Variants in CFAP91 observed in about 807,000 individuals in gnomAD.
CFAP91 encodes cilia and flagella associated protein 91.
CFAP91 carries 85 observed loss-of-function variants against 95.9 expected under a neutral mutation model. The ratio of observed to expected loss-of-function variants is 0.89; its 90% CI spans 0.74 to 1.06. The LOEUF is 1.06. Among genes scored for constraint, CFAP91 ranks in the 50% least tolerant of loss-of-function variants. The pLI is 0.00. For missense variants in CFAP91, 962 were observed against 943.4 expected (o/e 1.02, Z -0.26); for synonymous variants, 335 against 327.5 (o/e 1.02, Z -0.25).
chr3:119,709,372 T>C (rs1446080153), intron 4 of CFAP91, among the ~76,000 whole-genome samples: 2 of 152,252 alleles, frequency 1.3e-5, no homozygotes, highest in African/African-American at 4.8e-5. Flanking sequence ...TGTTAAATTC[T>C]TAACTGTTAA....
At chr3:119,710,147 T>G (rs549245541) in intron 5 of CFAP91, 180 of 467,434 alleles carry the variant, frequency 3.9e-4, no homozygotes, top group Middle Eastern at 3.4e-3. Flanking sequence ...GAAAAATATA[T>G]GCATATGTTT....
At position 119,767,096 on chromosome 3, in the gene CFAP91, A is replaced by G. The variant is rs2054643564; in HGVS notation, c.*2046A>G. 6.6e-6 allele frequency: 1 copy of G among 152,228 alleles called. No individual in the cohort carries two copies. Among genetic ancestry groups the G allele is most frequent in the Non-Finnish European group, 1.5e-5 (1 of 68,044 alleles). 9.4% of individuals were successfully genotyped at this position (152,228 alleles called of 1,614,324 possible). ...TAGTGACAATAAAAACACACATTTAAAGCCAAGTGGTCATAGTGACTGGAG... is the reference window on the plus strand; with the variant it reads ...TAGTGACAATAAAAACACACATTTAGAGCCAAGTGGTCATAGTGACTGGAG... On this transcript the variant is annotated 3_prime_UTR_variant, in exon 18 of 18. Transcript: ENST00000273390.
chr3:119,743,471 G>A (rs544750642), intron 13 of CFAP91, among the ~76,000 whole-genome samples: 22 of 152,214 alleles, frequency 1.4e-4, no homozygotes, highest in African/African-American at 5.1e-4. Context: ...TATTAAAAAA[G>A]TAAAAAGTAC....
intron 9 of CFAP91, 53 bp from the exon 10 acceptor site, chr3:119,733,311 A>C (rs773983957): frequency 1.5e-5 from 24 of 1,582,838 alleles, no homozygotes; most frequent in Non-Finnish European, 2.1e-5. Flanking sequence ...ATATACCTTA[A>C]AAATAATAAA....
rs538265390 is a variant in CFAP91, at chr3:119,717,168, G to A, written c.682+1425G>A. Among the ~76,000 whole-genome samples, 15 of 152,284 alleles carry A rather than the reference G, an allele frequency of 9.9e-5. No homozygotes were observed. The East Asian group carries it at 1.9e-3, about 20-fold the overall frequency. On this transcript the variant is annotated intron_variant, in intron 6 of 17. Coordinates refer to ENST00000273390, the MANE Select transcript of CFAP91 (RefSeq NM_033364.4). ...ACCTGCCTGAAGGTGAGGGGCCAGCGCCCTTCTCCTGCACACTGGTGCAAC... is the reference window on the plus strand; with the variant it reads ...ACCTGCCTGAAGGTGAGGGGCCAGCACCCTTCTCCTGCACACTGGTGCAAC...
chr3:119,707,289 C>A, intron 2 of CFAP91, 115 bp from the exon 3 acceptor site: 1 of 788,702 alleles, frequency 1.3e-6, no homozygotes, highest in East Asian at 2.5e-5. Flanking sequence ...AACCCCTCTT[C>A]TTATGCTGTA....
intron 15 of CFAP91, 108 bp downstream of exon 15, chr3:119,747,371 A>T: frequency 7.9e-7 from 1 of 1,259,826 alleles, no homozygotes; most frequent in Non-Finnish European, 1.1e-6. Context: ...CAAATAACTC[A>T]TACTTCAGCG....
chr3:119,716,760 T>A (rs564464408), intron 6 of CFAP91, among the ~76,000 whole-genome samples: 6 of 152,192 alleles, frequency 3.9e-5, no homozygotes, highest in South Asian at 2.1e-4. Flanking sequence ...CTAATTTTTT[T>A]ATTGTATTTT....
chr3:119,757,155 G>C (rs1310200999), intron 17 of CFAP91, among the ~76,000 whole-genome samples: 2 of 152,062 alleles, frequency 1.3e-5, no homozygotes, highest in African/African-American at 4.8e-5. Context: ...AGAGGGACAT[G>C]CCATAAAGAT....
chr3:119,729,881 C>T (rs1195262286), intron 7 of CFAP91, among the ~76,000 whole-genome samples: 1 of 152,168 alleles, frequency 6.6e-6, no homozygotes, highest in Non-Finnish European at 1.5e-5. Flanking sequence ...TATTATGTAA[C>T]CCTCCAGGAA....
At chr3:119,751,872 G>T (rs1245720572) in intron 17 of CFAP91, among the ~76,000 whole-genome samples, 2 of 152,138 alleles carry the variant, frequency 1.3e-5, no homozygotes, top group Non-Finnish European at 2.9e-5. Context: ...CCATGGATTT[G>T]CCCAGCTACA....
Position 119,708,264 on chromosome 3 carries a change from CAAA to C in CFAP91, c.360-309_360-307del, listed in dbSNP as rs11346330. Among the ~76,000 whole-genome samples the C allele has an allele frequency of 3.6e-3, 399 of 111,834 alleles. 2 individuals are homozygous for C. The highest frequency in any genetic ancestry group is 0.012 in the African/African-American group (353 of 30,620). 73.4% of individuals were successfully genotyped at this position (111,834 alleles called of 152,430 possible). A position where few individuals can be genotyped will look rare whatever the true frequency, so the allele number is the denominator to read the frequency against. ...TGGGTGACAGAGCGAGACTCTGTCT[CAAA>C]AAAAAAAAAAAAAAAAATTGTCTTT... On this transcript the variant is annotated intron_variant, in intron 3 of 17. Transcript: ENST00000273390.
At chr3:119,719,738 GA>G (rs1164769281) in intron 6 of CFAP91, among the ~76,000 whole-genome samples, 1 of 152,178 alleles carries the variant, frequency 6.6e-6, no homozygotes, top group East Asian at 1.9e-4. Context: ...TAGAAAGGGG[GA>G]CAGAGTAACT....
intron 6 of CFAP91, 54 bp from the exon 7 acceptor site, chr3:119,726,117 G>C: frequency 1.4e-6 from 2 of 1,469,310 alleles, no homozygotes; most frequent in East Asian, 2.3e-5. Context: ...TTATATACTG[G>C]GGGGTGCATG....
chr3:119,732,314 AAG>A lies in CFAP91; in HGVS notation c.1043_1044del (p.Arg348LysfsTer18). The A allele has an allele frequency of 2.5e-6, 4 of 1,602,672 alleles. No homozygotes were observed. Among genetic ancestry groups the A allele is most frequent in the Admixed American group, 1.7e-5 (1 of 57,984 alleles). ...HVSTIRKLVG[K>X]RKNIEGKLER... ...TTCAGCAATCAGAAAACTTGTAGGAAAGAGAAAGAATATAGAAGGGAAGTTGG... is the reference window on the plus strand; with the variant it reads ...TTCAGCAATCAGAAAACTTGTAGGAAAGAAAGAATATAGAAGGGAAGTTGG... On this transcript the variant is annotated frameshift_variant, in exon 9 of 18. Transcript: ENST00000273390. LOFTEE classifies it high-confidence loss of function.
rs1326134740 is a variant in CFAP91 at position 119,744,196 on chromosome 3, G to A, written c.1902G>A (p.Glu634=). The change falls in exon 14 of 18, where the codon GAG becomes GAA. Residue 634 remains glutamate (E), a splice_region_variant and synonymous_variant. Coordinates refer to ENST00000273390, the MANE Select transcript of CFAP91 (RefSeq NM_033364.4). ...RLREEDEIFK[E]VVKVHHSTIS... ...GGGAGGAGGACGAGATATTTAAGGA[G>A]GCAAGTAGGGGCAGCTGGGTGTGTG... The A allele has an allele frequency of 2.5e-6, 4 of 1,605,920 alleles. No individual in the cohort carries two copies. Among genetic ancestry groups the A allele is most frequent in the South Asian group, 2.2e-5 (2 of 90,586 alleles).
intron 5 of CFAP91, among the ~76,000 whole-genome samples, chr3:119,711,313 G>T (rs2053468694): frequency 6.6e-6 from 1 of 152,166 alleles, no homozygotes; most frequent in Non-Finnish European, 1.5e-5. Flanking sequence ...AATAGCTGTA[G>T]ACTTATATTC....
chr3:119,756,562 A>G (rs1260066848), intron 17 of CFAP91, among the ~76,000 whole-genome samples: 2 of 152,186 alleles, frequency 1.3e-5, no homozygotes, highest in East Asian at 3.8e-4. Flanking sequence ...AGAAACAGCA[A>G]TAATAGGAGC....
At chr3:119,729,479 A>C (rs2053851996) in intron 7 of CFAP91, among the ~76,000 whole-genome samples, 1 of 151,968 alleles carries the variant, frequency 6.6e-6, no homozygotes, top group African/African-American at 2.4e-5. Flanking sequence ...CTCCATCTCT[A>C]CCAAAACTAC....
Sources: allele counts gnomAD v4.1 joint callset (sites outside exome capture counted in the v4.1 genomes callset), GRCh38; gene constraint gnomAD v4.1.1; transcripts MANE v1.5; gene names NCBI Gene and HGNC (gene_info 2026-07-23, HGNC 2026-07-21).